Variants in HECTD4 observed in about 807,000 individuals in gnomAD.
The protein encoded by HECTD4 is probable E3 ubiquitin-protein ligase HECTD4.
In HECTD4, 114 loss-of-function variants were observed where a neutral mutation model predicts 471.5. That is an observed-to-expected ratio of 0.24 (90% CI 0.21 to 0.28). The LOEUF (loss-of-function observed/expected upper bound fraction) is 0.28, where lower values mean the gene tolerates loss of function less well. Among genes scored for constraint, HECTD4 ranks in the 10% least tolerant of loss-of-function variants. The pLI, the probability that HECTD4 is intolerant of heterozygous loss-of-function variation, is 1.00. For missense variants in HECTD4, 3,866 were observed against 5,651.5 expected (o/e 0.68, Z 10.13); for synonymous variants, 2,012 against 2,256.0 (o/e 0.89, Z 3.07).
At chr12:112,361,734 A>AT (rs1365536208) in intron 1 of HECTD4, among the ~76,000 whole-genome samples, 1 of 152,164 alleles carries the variant, frequency 6.6e-6, no homozygotes, top group East Asian at 1.9e-4. Context: ...AGGACCCTGC[A>AT]TTTTAAAGTC....
At chr12:112,291,879 GA>G (rs1044830226) in intron 7 of HECTD4, among the ~76,000 whole-genome samples, 8 of 151,402 alleles carry the variant, frequency 5.3e-5, no homozygotes, top group Middle Eastern at 3.2e-3. Context: ...CTCAGAAAAA[GA>G]AAAAAAATAC....
At chr12:112,372,729 C>G (rs912856190) in intron 1 of HECTD4, among the ~76,000 whole-genome samples, 3 of 151,796 alleles carry the variant, frequency 2.0e-5, no homozygotes, top group Non-Finnish European at 4.4e-5. Flanking sequence ...ACACTCAGCC[C>G]ACATCCATCT....
In HECTD4 at chr12:112,162,314, G is replaced by A; in HGVS notation, c.*73C>T. The A allele has an allele frequency of 1.3e-6, 2 of 1,588,958 alleles. No homozygotes were observed. Among genetic ancestry groups the A allele is most frequent in the Non-Finnish European group, 1.7e-6 (2 of 1,159,916 alleles). On this transcript the variant is annotated 3_prime_UTR_variant, in exon 76 of 76. Transcript: ENST00000682272. The surrounding 1 kb of genome is among the most constrained non-coding windows in gnomAD (Gnocchi z 5.2). ...CCTCACGCAGGGCCCTGGAGGGACGGGCCGCAGTGGTGGCTTCCCAAGCCA... is the reference window on the plus strand; with the variant it reads ...CCTCACGCAGGGCCCTGGAGGGACGAGCCGCAGTGGTGGCTTCCCAAGCCA...
In HECTD4 at chr12:112,329,374, T is replaced by G. The variant is rs1032776924; in HGVS notation, c.178-9632A>C. On this transcript the variant is annotated intron_variant, in intron 1 of 75. Transcript: ENST00000682272. ...TTGATTTGTTTTGGGTTTTTTGTTT[T>G]TTTTTTTTTTTTTAACAGAGTCTCG... Among the ~76,000 whole-genome samples the G allele has an allele frequency of 4.0e-5, 6 of 151,470 alleles. No homozygotes were observed. The South Asian group carries it at 8.3e-4, about 21-fold the overall frequency.
Position 112,219,467 on chromosome 12 carries a change from C to T in HECTD4, c.6993G>A (p.Glu2331=). Residue 2331 remains glutamate, a synonymous_variant, in exon 45 of 76, where the codon GAG becomes GAA. Transcript: ENST00000682272. ...CSAGERLAVV[E]VQCERLRMLY... ...GCATCCTCAGCCGTTCACACTGTAC[C>T]TCCACAACTGCAAGTCGCTCTCCTG... 1 of 1,613,730 alleles carries T rather than the reference C, an allele frequency of 6.2e-7. No homozygotes were observed. The highest frequency in any genetic ancestry group is 1.7e-5 in the Admixed American group (1 of 60,012).
intron 48 of HECTD4, among the ~76,000 whole-genome samples, chr12:112,214,443 G>A (rs970549574): frequency 6.6e-6 from 1 of 152,168 alleles, no homozygotes; most frequent in Admixed American, 6.5e-5. Context: ...ATCCCCAGGG[G>A]CCAGAAGAGG....
intron 7 of HECTD4, among the ~76,000 whole-genome samples, chr12:112,305,285 G>A (rs1324368548): frequency 2.0e-5 from 3 of 152,018 alleles, no homozygotes; most frequent in African/African-American, 4.8e-5. Flanking sequence ...CTAAAGCGCC[G>A]TGGCTCCCAG....
At chr12:112,234,803 G>A (rs564254857) in intron 37 of HECTD4, among the ~76,000 whole-genome samples, 1 of 152,180 alleles carries the variant, frequency 6.6e-6, no homozygotes, top group African/African-American at 2.4e-5. Context: ...ATAATACATC[G>A]TCCACATGGC....
At chr12:112,365,035 G>C (rs1203040384) in intron 1 of HECTD4, among the ~76,000 whole-genome samples, 2 of 152,170 alleles carry the variant, frequency 1.3e-5, no homozygotes, top group Non-Finnish European at 2.9e-5. Flanking sequence ...AAAACAGCTA[G>C]TTGGCTGGAT....
rs746497197 is a variant in HECTD4 at position 112,231,607 on chromosome 12, T to C, written c.6106A>G (p.Ile2036Val). ...AGTCCACTCACAGTCTCTGGGTTGA[T>C]AGACTCTACAGGTGGCCCAATGCTG... ...IVSIGPPVES[I>V]NPETVSGLST... is the part of the protein sequence containing the mutation. Residue 2036 changes from isoleucine to valine, a missense_variant, in exon 39 of 76, where the codon ATC (isoleucine) becomes GTC (valine). Ile to Val is a conservative substitution (Grantham distance 29). Transcript: ENST00000682272. 9 of 1,613,996 alleles carry C rather than the reference T, an allele frequency of 5.6e-6. No individual in the cohort carries two copies. The highest frequency in any genetic ancestry group is 2.2e-5 in the East Asian group (1 of 44,876).
chr12:112,194,356 AG>A lies in HECTD4; in HGVS notation c.8749+528del, dbSNP rs2032171800. ...CTGGGAGATCGAGGCGGCAGGCTGG[AG>A]GCTGAGATGCCAGGGGAAGACAGAA... On this transcript the variant is annotated intron_variant, in intron 56 of 75. Coordinates refer to ENST00000682272, the MANE Select transcript of HECTD4 (RefSeq NM_001388303.1). This position sits in a 1 kb window ranked among gnomAD's most constrained non-coding sequence, Gnocchi z 4.6. 6.6e-6 allele frequency among the ~76,000 whole-genome samples: 1 copy of A among 152,288 alleles called. No homozygotes were observed. Among genetic ancestry groups the A allele is most frequent in the African/African-American group, 2.4e-5 (1 of 41,552 alleles).
At chr12:112,288,045 C>T (rs2034793544) in intron 7 of HECTD4, among the ~76,000 whole-genome samples, 1 of 151,362 alleles carries the variant, frequency 6.6e-6, no homozygotes, top group Non-Finnish European at 1.5e-5. Flanking sequence ...AAGCAAGTTG[C>T]TGGCCAGGCA....
intron 1 of HECTD4, chr12:112,323,164 G>A (rs778272807): frequency 1.8e-4 from 29 of 161,462 alleles, no homozygotes; most frequent in Admixed American, 5.8e-4. Context: ...GATCACTTGA[G>A]GCCAGGAGTT....
In HECTD4 at chr12:112,305,071, C is replaced by T. The variant is rs148703379; in HGVS notation, c.1335+993G>A. On this transcript the variant is annotated intron_variant, in intron 7 of 75. Coordinates refer to ENST00000682272, the MANE Select transcript of HECTD4 (RefSeq NM_001388303.1). The stretch of plus-strand genomic sequence containing the variant: ...AAGTCTCTACAAATCCTACCTAGAC[C>T]GGCTCTGTCCAATAGAACATTCTTC... 6.3e-3 allele frequency among the ~76,000 whole-genome samples: 958 copies of T among 152,154 alleles called. 7 individuals are homozygous for T. The highest frequency in any genetic ancestry group is 9.0e-3 in the Non-Finnish European group (609 of 68,022).
At chr12:112,254,411 T>C (rs2033962414) in intron 21 of HECTD4, among the ~76,000 whole-genome samples, 1 of 152,222 alleles carries the variant, frequency 6.6e-6, no homozygotes, top group South Asian at 2.1e-4. Flanking sequence ...ATACTTTTTA[T>C]ATTACCACAC....
At position 112,243,571 on chromosome 12, in the gene HECTD4, C is replaced by G. The variant is rs75633178; in HGVS notation, c.4791+49G>C. On this transcript the variant is annotated intron_variant, in intron 31 of 75. Transcript: ENST00000682272. This position sits in a 1 kb window ranked among gnomAD's most constrained non-coding sequence, Gnocchi z 6.6. The stretch of plus-strand genomic sequence containing the variant: ...ACTCCTGCTAACTGCCGCAAGACCC[C>G]GCATGCTGTTAGGTGCTATTCATCT... 6.2e-7 allele frequency: 1 copy of G among 1,601,574 alleles called. No homozygotes were observed. Among genetic ancestry groups the G allele is most frequent in the East Asian group, 2.3e-5 (1 of 44,280 alleles).
rs1251660256 is a variant in HECTD4 at position 112,319,216 on chromosome 12, T to C, written c.695+9A>G. 1.3e-6 allele frequency: 2 copies of C among 1,535,758 alleles called. No homozygotes were observed. The highest frequency in any genetic ancestry group is 1.7e-6 in the Non-Finnish European group (2 of 1,146,738). On this transcript the variant is annotated intron_variant, in intron 2 of 75. Coordinates refer to ENST00000682272, the MANE Select transcript of HECTD4 (RefSeq NM_001388303.1). The surrounding 1 kb of genome is among the most constrained non-coding windows in gnomAD (Gnocchi z 5.3). Reference sequence around the variant, plus strand: ...AAGGTCACCAAATGATACATTCGATTTTCCTTACCTGGCACAAGCCAAAGC... The same window carrying C: ...AAGGTCACCAAATGATACATTCGATCTTCCTTACCTGGCACAAGCCAAAGC...
chr12:112,325,525 G>A lies in HECTD4; in HGVS notation c.178-5783C>T, dbSNP rs2035724385. Among the ~76,000 whole-genome samples the A allele has an allele frequency of 2.0e-5, 3 of 152,140 alleles. No individual in the cohort carries two copies. In the South Asian group the frequency reaches 6.2e-4, roughly 32 times the overall value. On this transcript the variant is annotated intron_variant, in intron 1 of 75. Coordinates refer to ENST00000682272, the MANE Select transcript of HECTD4 (RefSeq NM_001388303.1). ...CTTTGGGTTTTTGTAAGTCAGCTAT[G>A]GCATATCTATTCTGGTACTTATGAA... is the stretch of plus-strand genomic sequence containing the variant.
At chr12:112,231,816 AT>A (rs951203568) in intron 38 of HECTD4, 101 bp from the exon 39 acceptor site, 980 of 935,480 alleles carry the variant, frequency 1.0e-3, no homozygotes, top group Non-Finnish European at 1.3e-3. Flanking sequence ...ATCCACACTC[AT>A]TTTTTTTTAA....
Sources: allele counts gnomAD v4.1 joint callset (sites outside exome capture counted in the v4.1 genomes callset), GRCh38; gene constraint gnomAD v4.1.1; non-coding constraint Gnocchi (gnomAD v3.1); transcripts MANE v1.5; gene names NCBI Gene and HGNC (gene_info 2026-07-23, HGNC 2026-07-21).